NCKAP1: variants seen among roughly 807,000 people sequenced by gnomAD.
NCKAP1 encodes the protein NCK associated protein 1.
NCKAP1 carries 21 observed loss-of-function variants against 151.2 expected under a neutral mutation model. That is an observed-to-expected ratio of 0.14 (90% CI 0.10 to 0.20). NCKAP1 has a LOEUF of 0.20. Among genes scored for constraint, NCKAP1 ranks in the 10% least tolerant of loss-of-function variants. The probability of loss-of-function intolerance (pLI) is 1.00; values close to 1 mark genes in which losing one functional copy is unlikely to be tolerated. For missense variants in NCKAP1, 933 were observed against 1,352.1 expected (o/e 0.69, Z 4.86); for synonymous variants, 484 against 451.8 (o/e 1.07, Z -0.90).
intron 24 of NCKAP1, among the ~76,000 whole-genome samples, chr2:182,940,036 C>T (rs1219987459): frequency 1.3e-5 from 2 of 152,018 alleles, no homozygotes; most frequent in Admixed American, 6.6e-5. Flanking sequence ...TGAAAACTTG[C>T]AAATTCTGTT....
chr2:182,939,572 C>T (rs1696952031), intron 24 of NCKAP1, among the ~76,000 whole-genome samples: 2 of 151,786 alleles, frequency 1.3e-5, no homozygotes, highest in South Asian at 2.1e-4. Flanking sequence ...TAAAAATAAA[C>T]TAATAAATTC....
At chr2:182,961,496 A>G (rs1437286788) in intron 18 of NCKAP1, among the ~76,000 whole-genome samples, 1 of 151,988 alleles carries the variant, frequency 6.6e-6, no homozygotes, top group African/African-American at 2.4e-5. Context: ...ACCAACCACC[A>G]CATGTTCTCA....
At chr2:183,034,805 A>G (rs1197461037) in intron 1 of NCKAP1, among the ~76,000 whole-genome samples, 1 of 152,124 alleles carries the variant, frequency 6.6e-6, no homozygotes. Context: ...CTACTCTACT[A>G]CTTCACCATA....
intron 16 of NCKAP1, among the ~76,000 whole-genome samples, chr2:182,966,054 T>C (rs1293419762): frequency 6.6e-6 from 1 of 152,188 alleles, no homozygotes; most frequent in Non-Finnish European, 1.5e-5. Context: ...CAGATTATAC[T>C]ATTTTCCAAA....
intron 30 of NCKAP1, among the ~76,000 whole-genome samples, 163 bp downstream of exon 30, chr2:182,926,651 AAT>A (rs1404418392): frequency 9.2e-5 from 14 of 152,214 alleles, no homozygotes; most frequent in African/African-American, 2.9e-4. Context: ...GAAATGATAA[AAT>A]ATGAGTGATG....
chr2:183,009,543 T>G (rs903574029), intron 2 of NCKAP1, among the ~76,000 whole-genome samples: 1 of 152,092 alleles, frequency 6.6e-6, no homozygotes, highest in African/African-American at 2.4e-5. Flanking sequence ...AAAATATGCA[T>G]TACTGAATTA....
chr2:182,958,440 G>A (rs1697369089), intron 18 of NCKAP1, among the ~76,000 whole-genome samples: 1 of 152,170 alleles, frequency 6.6e-6, no homozygotes, highest in South Asian at 2.1e-4. Context: ...CACCATGCCT[G>A]GCCATGAAGA....
At chr2:183,019,835 A>G (rs1698762187) in intron 2 of NCKAP1, among the ~76,000 whole-genome samples, 1 of 152,190 alleles carries the variant, frequency 6.6e-6, no homozygotes, top group African/African-American at 2.4e-5. Flanking sequence ...CCTTGGTCCT[A>G]GATTTTCCCT....
intron 23 of NCKAP1, among the ~76,000 whole-genome samples, chr2:182,945,991 A>G (rs1697095409): frequency 6.6e-6 from 1 of 152,244 alleles, no homozygotes; most frequent in Admixed American, 6.5e-5. Flanking sequence ...AATAAGAATG[A>G]GATCATGTCC....
At chr2:182,953,089 C>A in intron 21 of NCKAP1, 24 bp downstream of exon 21, 2 of 1,569,592 alleles carry the variant, frequency 1.3e-6, no homozygotes, top group Non-Finnish European at 1.7e-6. Context: ...TCCGCTACTA[C>A]AAATTTCTAA....
chr2:183,022,267 C>T (rs778647861), intron 2 of NCKAP1, among the ~76,000 whole-genome samples: 3 of 152,004 alleles, frequency 2.0e-5, no homozygotes, highest in Non-Finnish European at 2.9e-5. Context: ...ATTTTATGAG[C>T]TGTAAGAAAA....
In NCKAP1 at chr2:182,918,010, A is replaced by G. The variant is rs1039964848; in HGVS notation, c.*7692T>C. On this transcript the variant is annotated 3_prime_UTR_variant, in exon 31 of 31. Transcript: ENST00000361354. The stretch of plus-strand genomic sequence containing the variant: ...TTTTAGTGCTTTGGGAAAGAACATG[A>G]TACAGTAGAAAAAATATGGGCTGGA... The G allele has an allele frequency of 1.3e-5, 2 of 152,134 alleles. No homozygotes were observed. The highest frequency in any genetic ancestry group is 1.3e-4 in the Admixed American group (2 of 15,264). The allele number at this position is 152,134 out of a possible 1,614,324, so 9.4% of individuals were successfully genotyped here.
At chr2:182,981,842 G>C (rs1320836702) in intron 12 of NCKAP1, among the ~76,000 whole-genome samples, 2 of 147,238 alleles carry the variant, frequency 1.4e-5, no homozygotes, top group African/African-American at 5.0e-5. Flanking sequence ...CCAGGAGGTT[G>C]AGGTTGCAGT....
intron 6 of NCKAP1, among the ~76,000 whole-genome samples, chr2:183,000,294 A>G (rs1012652825): frequency 6.6e-6 from 1 of 152,208 alleles, no homozygotes; most frequent in Non-Finnish European, 1.5e-5. Context: ...ATAACCTACT[A>G]TATACTGAAT....
rs530034900 is a variant in NCKAP1 at position 182,940,886 on chromosome 2, C to A, written c.2695+1184G>T. Among the ~76,000 whole-genome samples the A allele has an allele frequency of 2.6e-5, 4 of 152,302 alleles. No individual in the cohort carries two copies. In the East Asian group the frequency reaches 7.7e-4, roughly 29 times the overall value. ...TCCCTCATTGCTTTCCCTTTATAGT[C>A]CTGGCAACCACAGATCTGTCCTATA... On this transcript the variant is annotated intron_variant, in intron 24 of 30. Transcript: ENST00000361354.
chr2:182,954,741 G>C (rs1486725450), intron 20 of NCKAP1, among the ~76,000 whole-genome samples: 1 of 152,052 alleles, frequency 6.6e-6, no homozygotes, highest in African/African-American at 2.4e-5. Context: ...AGCTGAGATT[G>C]TGCCACTGCA....
intron 1 of NCKAP1, among the ~76,000 whole-genome samples, chr2:183,034,944 G>A (rs765209862): frequency 6.6e-6 from 1 of 152,060 alleles, no homozygotes; most frequent in Non-Finnish European, 1.5e-5. Context: ...AACTCTCAGT[G>A]ACAGAATGAA....
In NCKAP1 at chr2:182,981,908, C is replaced by CAA. The variant is rs77694869; in HGVS notation, c.1209-534_1209-533dup. Among the ~76,000 whole-genome samples, 343 of 51,058 alleles carry CAA rather than the reference C, an allele frequency of 6.7e-3. 3 individuals are homozygous for CAA. Among genetic ancestry groups the CAA allele is most frequent in the African/African-American group, 0.012 (164 of 13,392 alleles). The allele number at this position is 51,058 out of a possible 152,430, so 33.5% of individuals were successfully genotyped here. On this transcript the variant is annotated intron_variant, in intron 12 of 30. Coordinates refer to ENST00000361354, the MANE Select transcript of NCKAP1 (RefSeq NM_013436.5). ...TGGGTGACAGAGTAAAACTCCGTCT[C>CAA]AAAAAAAAAAAAAAAAAAAAAATTT... is the stretch of plus-strand genomic sequence containing the variant.
chr2:182,927,168 G>T, intron 29 of NCKAP1: 1 of 310,886 alleles, frequency 3.2e-6, no homozygotes, highest in Non-Finnish European at 5.8e-6. Context: ...GAACAAGTCT[G>T]CTTTTTAAAA....
Sources: gnomAD v4.1 joint callset for allele counts (sites outside exome capture counted in the v4.1 genomes callset) on GRCh38, gnomAD v4.1.1 for gene constraint, MANE v1.5 for transcripts, NCBI Gene and HGNC (gene_info 2026-07-23, HGNC 2026-07-21) for gene names.